Variants in SND1 observed in about 807,000 individuals in gnomAD.
SND1 encodes the protein staphylococcal nuclease domain-containing protein 1.
SND1 carries 38 observed loss-of-function variants against 121.7 expected under a neutral mutation model. The ratio of observed to expected loss-of-function variants is 0.31; its 90% CI spans 0.24 to 0.41. The LOEUF is 0.41. SND1 is among the 10% of genes least tolerant of loss of function. The pLI is 1.00. For synonymous variants in SND1, 401 were observed against 447.4 expected, an observed-to-expected ratio of 0.90 and a Z score of 1.31; for missense variants, 868 against 1,184.6, an observed-to-expected ratio of 0.73 and a Z score of 3.92.
At chr7:127,673,136 T>TATATATG (rs1198495159) in intron 1 of SND1, among the ~76,000 whole-genome samples, 3 of 148,278 alleles carry the variant, frequency 2.0e-5, no homozygotes, top group Admixed American at 6.8e-5. Context: ...TATATTCTAT[T>TATATATG]ATATATGATA....
intron 16 of SND1, chr7:128,031,520 G>A (rs1409420926): frequency 6.6e-6 from 1 of 151,324 alleles, no homozygotes; most frequent in East Asian, 1.9e-4. Context: ...CTTTCTCCTC[G>A]CCTCTTCTCG....
intron 16 of SND1, among the ~76,000 whole-genome samples, chr7:128,050,139 A>G (rs1793021310): frequency 6.6e-6 from 1 of 152,196 alleles, no homozygotes; most frequent in Non-Finnish European, 1.5e-5. Context: ...TTAACAGGAC[A>G]AGATATGGAG....
chr7:127,897,202 C>T (rs1485607992), intron 13 of SND1, among the ~76,000 whole-genome samples: 1 of 152,168 alleles, frequency 6.6e-6, no homozygotes. Context: ...CTTCCCATTG[C>T]TCTTGCTTTT....
intron 10 of SND1, among the ~76,000 whole-genome samples, chr7:127,770,436 A>G (rs1797493761): frequency 6.6e-6 from 1 of 152,250 alleles, no homozygotes; most frequent in South Asian, 2.1e-4. Flanking sequence ...TAGCAATATC[A>G]TTTTGCATAC....
intron 10 of SND1, among the ~76,000 whole-genome samples, chr7:127,799,580 C>T (rs554637425): frequency 3.9e-5 from 6 of 152,338 alleles, no homozygotes; most frequent in African/African-American, 1.4e-4. Context: ...TCTTCATAAT[C>T]ACCTCCTTCT....
At chr7:127,756,117 A>T (rs1212989943) in intron 10 of SND1, among the ~76,000 whole-genome samples, 1 of 152,244 alleles carries the variant, frequency 6.6e-6, no homozygotes, top group African/African-American at 2.4e-5. Context: ...AGTGGGCAGT[A>T]GATAAACTTT....
chr7:127,886,070 G>T (rs1563047537), intron 12 of SND1, among the ~76,000 whole-genome samples: 1 of 152,038 alleles, frequency 6.6e-6, no homozygotes, highest in Non-Finnish European at 1.5e-5. Context: ...ACACAACTCT[G>T]TGATAATGAC....
At chr7:127,766,092 G>A (rs1275006470) in intron 10 of SND1, among the ~76,000 whole-genome samples, 1 of 152,170 alleles carries the variant, frequency 6.6e-6, no homozygotes, top group African/African-American at 2.4e-5. Context: ...GCTTGTTGGA[G>A]GGAATTTGGG....
chr7:128,006,227 GGTGCGTGC>G (rs200202031), intron 16 of SND1, among the ~76,000 whole-genome samples: 3 of 152,056 alleles, frequency 2.0e-5, no homozygotes, highest in African/African-American at 7.2e-5. Context: ...GCATGGGAAG[GGTGCGTGC>G]GTGCGTGCGT....
At chr7:127,848,141 C>A (rs1479276508) in intron 12 of SND1, among the ~76,000 whole-genome samples, 2 of 152,152 alleles carry the variant, frequency 1.3e-5, no homozygotes, top group Non-Finnish European at 2.9e-5. Flanking sequence ...CATGCCCTGT[C>A]TCCATGATTT....
At chr7:127,779,160 A>G (rs565059077) in intron 10 of SND1, among the ~76,000 whole-genome samples, 4 of 152,270 alleles carry the variant, frequency 2.6e-5, no homozygotes, top group Admixed American at 2.6e-4. Flanking sequence ...GCACATGGAG[A>G]AATCTTTTTT....
In SND1 at chr7:127,884,687, T is replaced by A. The variant is rs1799859978; in HGVS notation, c.1344-3215T>A. Among the ~76,000 whole-genome samples, 4 of 152,228 alleles carry A rather than the reference T, an allele frequency of 2.6e-5. No homozygotes were observed. The South Asian group carries it at 8.3e-4, about 32-fold the overall frequency. ...GTCTGTTGGCTCTTCCCAGGCCTCC[T>A]GGGGTTCCCTTCCCACCTTCCTTGA... is the stretch of plus-strand genomic sequence containing the variant. On this transcript the variant is annotated intron_variant, in intron 12 of 23. Coordinates refer to ENST00000354725, the MANE Select transcript of SND1 (RefSeq NM_014390.4).
chr7:127,814,600 G>A (rs1286603601), intron 11 of SND1, among the ~76,000 whole-genome samples: 1 of 151,684 alleles, frequency 6.6e-6, no homozygotes, highest in Admixed American at 6.6e-5. Context: ...TCTATGTAGG[G>A]ATACTAGATA....
At chr7:128,017,738 G>C (rs1213321304) in intron 16 of SND1, among the ~76,000 whole-genome samples, 1 of 152,258 alleles carries the variant, frequency 6.6e-6, no homozygotes, top group East Asian at 1.9e-4. Context: ...AACTGCAGCA[G>C]CGAAGCCTGA....
intron 12 of SND1, among the ~76,000 whole-genome samples, chr7:127,879,135 A>G (rs760506315): frequency 3.3e-5 from 5 of 152,166 alleles, no homozygotes; most frequent in African/African-American, 1.2e-4. Flanking sequence ...GGAAAATAGT[A>G]ACTTCATAAA....
At chr7:127,690,488 A>G (rs758921373) in intron 2 of SND1, among the ~76,000 whole-genome samples, 1 of 152,180 alleles carries the variant, frequency 6.6e-6, no homozygotes, top group Admixed American at 6.5e-5. Context: ...GCCACTTAAG[A>G]AATCACACCT....
rs1164307649 is a variant in SND1, at chr7:128,074,703, G to T, written c.1968+13G>T. ...GAAGAAAGAGAAGGTACATGTGGCA[G>T]CCCAGCTGTGCTCTCCCTGCCCTCC... On this transcript the variant is annotated intron_variant, in intron 17 of 23. Coordinates refer to ENST00000354725, the MANE Select transcript of SND1 (RefSeq NM_014390.4). The T allele has an allele frequency of 8.1e-6, 13 of 1,596,934 alleles. No individual in the cohort carries two copies. The highest frequency in any genetic ancestry group is 1.3e-5 in the African/African-American group (1 of 74,510).
chr7:127,669,182 G>A (rs937859972), intron 1 of SND1, among the ~76,000 whole-genome samples: 1 of 152,100 alleles, frequency 6.6e-6, no homozygotes, highest in Non-Finnish European at 1.5e-5. Flanking sequence ...TAGTAGAGAC[G>A]GGGTTTCACC....
chr7:127,784,290 C>T lies in SND1; in HGVS notation c.1153-23194C>T, dbSNP rs547437857. 7.9e-5 allele frequency among the ~76,000 whole-genome samples: 12 copies of T among 152,310 alleles called. No homozygotes were observed. In the South Asian group the frequency reaches 2.1e-3, roughly 26 times the overall value. ...TTCACTTTTGCATTCTACAGGTTAA[C>T]GTCTCTGCCGGGCAAACAAAGCGAG... On this transcript the variant is annotated intron_variant, in intron 10 of 23. Transcript: ENST00000354725.
Sources: gnomAD v4.1 joint callset for allele counts (sites outside exome capture counted in the v4.1 genomes callset) on GRCh38, gnomAD v4.1.1 for gene constraint, MANE v1.5 for transcripts, NCBI Gene and HGNC (gene_info 2026-07-23, HGNC 2026-07-21) for gene names.